The following PPARGC1A variants were observed in gnomAD, a reference collection of about 807,000 sequenced individuals.
PPARGC1A encodes peroxisome proliferator-activated receptor gamma coactivator 1-alpha.
Under a neutral mutation model 88.7 loss-of-function variants are expected in PPARGC1A, and 25 were observed. The ratio of observed to expected loss-of-function variants is 0.28; its 90% CI spans 0.21 to 0.39. The LOEUF (loss-of-function observed/expected upper bound fraction) is 0.39. Ranked by LOEUF, PPARGC1A falls within the 10% of genes least tolerant of loss-of-function variation. The probability of loss-of-function intolerance (pLI) is 1.00; values close to 1 mark genes in which losing one functional copy is unlikely to be tolerated. For missense variants in PPARGC1A, 880 were observed against 968.7 expected (o/e 0.91, Z 1.22); for synonymous variants, 363 against 355.6 (o/e 1.02, Z -0.24).
the PPARGC1A span, among the ~76,000 whole-genome samples, chr4:23,978,439 G>C: frequency 6.6e-6 from 1 of 152,176 alleles, no homozygotes; most frequent in Admixed American, 6.5e-5. Context: ...TAGGTGGTTT[G>C]GCAATTAAGG....
the PPARGC1A span, among the ~76,000 whole-genome samples, chr4:23,912,952 C>G: frequency 6.6e-6 from 1 of 150,640 alleles, no homozygotes; most frequent in Non-Finnish European, 1.5e-5. Context: ...CCACGCCCGG[C>G]TAATTTCGTT....
At chr4:24,344,305 G>A in the PPARGC1A span, among the ~76,000 whole-genome samples, 3 of 152,076 alleles carry the variant, frequency 2.0e-5, no homozygotes, top group Non-Finnish European at 2.9e-5. Flanking sequence ...TCTACTTTTA[G>A]TTCTTTAAGG....
At chr4:24,133,977 G>A in the PPARGC1A span, among the ~76,000 whole-genome samples, 2 of 152,170 alleles carry the variant, frequency 1.3e-5, no homozygotes, top group Non-Finnish European at 1.5e-5. Context: ...AGGTTACACA[G>A]TCAGGCCAAA....
chr4:23,945,409 T>A, the PPARGC1A span, among the ~76,000 whole-genome samples: 1 of 152,132 alleles, frequency 6.6e-6, no homozygotes, highest in African/African-American at 2.4e-5. Flanking sequence ...GAATAGAATT[T>A]ACCATGCAGC....
chr4:24,126,626 A>T, the PPARGC1A span, among the ~76,000 whole-genome samples: 1 of 152,220 alleles, frequency 6.6e-6, no homozygotes, highest in South Asian at 2.1e-4. Context: ...CTGTGCAGAC[A>T]TAATGGCAGG....
the PPARGC1A span, among the ~76,000 whole-genome samples, chr4:24,158,022 G>A: frequency 1.3e-4 from 19 of 151,950 alleles, no homozygotes; most frequent in Admixed American, 2.0e-4. Context: ...TAGGAATGCC[G>A]CCATGATCTA....
chr4:24,127,386 C>T, the PPARGC1A span, among the ~76,000 whole-genome samples: 1 of 151,902 alleles, frequency 6.6e-6, no homozygotes, highest in South Asian at 2.1e-4. Flanking sequence ...AAGTTTTCTT[C>T]CAAATCTGAA....
the PPARGC1A span, among the ~76,000 whole-genome samples, chr4:24,027,762 A>G: frequency 2.0e-5 from 3 of 152,180 alleles, no homozygotes; most frequent in Non-Finnish European, 2.9e-5. Flanking sequence ...GTAATAATTA[A>G]CATTAATATT....
chr4:24,270,455 G>A, the PPARGC1A span, among the ~76,000 whole-genome samples: 1 of 151,830 alleles, frequency 6.6e-6, no homozygotes, highest in East Asian at 1.9e-4. Flanking sequence ...ATTAAATATA[G>A]GGCACTACTA....
chr4:24,385,142 G>C, the PPARGC1A span, among the ~76,000 whole-genome samples: 2 of 152,142 alleles, frequency 1.3e-5, no homozygotes, highest in South Asian at 4.2e-4. Context: ...AATGACTACT[G>C]GGGGGTAAAT....
At chr4:23,975,108 A>G in the PPARGC1A span, among the ~76,000 whole-genome samples, 11 of 152,174 alleles carry the variant, frequency 7.2e-5, no homozygotes, top group Non-Finnish European at 1.3e-4. Context: ...ATTATTAGCT[A>G]ACTATTTAAT....
the PPARGC1A span, among the ~76,000 whole-genome samples, chr4:24,029,343 T>A: frequency 1.3e-5 from 2 of 152,218 alleles, no homozygotes; most frequent in Non-Finnish European, 2.9e-5. Context: ...CCATTCTATG[T>A]CCAACATTAT....
the PPARGC1A span, among the ~76,000 whole-genome samples, chr4:24,212,037 G>A: frequency 6.6e-6 from 1 of 151,962 alleles, no homozygotes; most frequent in Non-Finnish European, 1.5e-5. Flanking sequence ...AACTTCATCT[G>A]ATCATGTGAC....
At chr4:24,311,153 G>A in the PPARGC1A span, among the ~76,000 whole-genome samples, 12 of 126,000 alleles carry the variant, frequency 9.5e-5, no homozygotes, top group Admixed American at 6.5e-4. Flanking sequence ...AGGCTAGAGT[G>A]CAGTGGCGAG....
chr4:24,369,136 G>A, the PPARGC1A span, among the ~76,000 whole-genome samples: 3 of 152,120 alleles, frequency 2.0e-5, no homozygotes, highest in Non-Finnish European at 4.4e-5. Flanking sequence ...CATTACTGGA[G>A]AAAAAAGACT....
chr4:24,359,084 G>A, the PPARGC1A span, among the ~76,000 whole-genome samples: 3 of 152,206 alleles, frequency 2.0e-5, no homozygotes, highest in Non-Finnish European at 4.4e-5. Context: ...CTTAAAGAAA[G>A]TTCACCGTCT....
At chr4:24,046,730 T>A in the PPARGC1A span, among the ~76,000 whole-genome samples, 2 of 152,152 alleles carry the variant, frequency 1.3e-5, no homozygotes, top group Non-Finnish European at 2.9e-5. Flanking sequence ...TATGACCATG[T>A]GAGTGGGTTT....
chr4:24,288,121 G>A, the PPARGC1A span, among the ~76,000 whole-genome samples: 1 of 152,034 alleles, frequency 6.6e-6, no homozygotes, highest in Admixed American at 6.5e-5. Flanking sequence ...ACCCATTCCT[G>A]TTCTCTGAGT....
At chr4:23,927,681 T>C in the PPARGC1A span, among the ~76,000 whole-genome samples, 1 of 152,042 alleles carries the variant, frequency 6.6e-6, no homozygotes, top group Admixed American at 6.6e-5. Flanking sequence ...TAGGCATTCC[T>C]ATTCTTACCA....
Sources: allele counts gnomAD v4.1 joint callset (sites outside exome capture counted in the v4.1 genomes callset), GRCh38; gene constraint gnomAD v4.1.1; transcripts MANE v1.5; gene names NCBI Gene and HGNC (gene_info 2026-07-23, HGNC 2026-07-21).